Variants in MYO3A observed in about 807,000 individuals in gnomAD.
The protein encoded by MYO3A is myosin-IIIa.
In MYO3A, 180 loss-of-function variants were observed where a neutral mutation model predicts 192.7. That is an observed-to-expected ratio of 0.93 (90% CI 0.83 to 1.06). The LOEUF is 1.06. Among genes scored for constraint, MYO3A ranks in the 50% least tolerant of loss-of-function variants. The pLI is 0.00. For missense variants in MYO3A, 1,896 were observed against 1,905.0 expected (o/e 1.00, Z 0.09); for synonymous variants, 628 against 645.3 (o/e 0.97, Z 0.41).
intron 28 of MYO3A, 29 bp downstream of exon 28, chr10:26,168,903 T>C (rs1589070203): frequency 6.3e-7 from 1 of 1,586,514 alleles, no homozygotes; most frequent in East Asian, 2.2e-5. Flanking sequence ...TTAGATATGG[T>C]CATAAAATCA....
intron 17 of MYO3A, among the ~76,000 whole-genome samples, chr10:26,112,180 A>G (rs1413460611): frequency 6.6e-6 from 1 of 152,266 alleles, no homozygotes; most frequent in East Asian, 1.9e-4. Context: ...AAATTTAAAC[A>G]TATTCAATGC....
At chr10:26,139,772 A>G (rs1343113230) in intron 20 of MYO3A, among the ~76,000 whole-genome samples, 1 of 152,106 alleles carries the variant, frequency 6.6e-6, no homozygotes, top group Non-Finnish European at 1.5e-5. Context: ...CACGCCTGTA[A>G]TCCCAGCTAC....
At chr10:25,991,032 A>G (rs1046915699) in intron 4 of MYO3A, among the ~76,000 whole-genome samples, 1 of 152,196 alleles carries the variant, frequency 6.6e-6, no homozygotes, top group African/African-American at 2.4e-5. Context: ...ATACCCAGTA[A>G]TGGGATGGCT....
intron 10 of MYO3A, among the ~76,000 whole-genome samples, chr10:26,051,054 C>T (rs950616250): frequency 1.3e-5 from 2 of 152,184 alleles, no homozygotes; most frequent in Non-Finnish European, 2.9e-5. Flanking sequence ...AAATAGTGCA[C>T]AGCTGTAGTC....
At chr10:26,171,467 C>T (rs1842041723) in intron 29 of MYO3A, among the ~76,000 whole-genome samples, 1 of 152,242 alleles carries the variant, frequency 6.6e-6, no homozygotes, top group African/African-American at 2.4e-5. Flanking sequence ...TCATAGATGA[C>T]TTCTCTGCCA....
chr10:26,075,960 G>C (rs909060976), intron 14 of MYO3A, among the ~76,000 whole-genome samples: 1 of 151,668 alleles, frequency 6.6e-6, no homozygotes, highest in Non-Finnish European at 1.5e-5. Context: ...ATAAACAGGC[G>C]TGTGCAAGTA....
At chr10:26,173,589 A>C in intron 29 of MYO3A, 74 bp from the exon 30 acceptor site, 1 of 1,378,806 alleles carries the variant, frequency 7.3e-7, no homozygotes, top group Non-Finnish European at 1.0e-6. Flanking sequence ...GGTATCTAGC[A>C]TATAACTATT....
At position 26,193,306 on chromosome 10, in the gene MYO3A, C is replaced by G; in HGVS notation, c.4540C>G (p.Leu1514Val). 1 of 1,609,732 alleles carries G rather than the reference C, an allele frequency of 6.2e-7. No homozygotes were observed. The highest frequency in any genetic ancestry group is 8.5e-7 in the Non-Finnish European group (1 of 1,176,258). ...TGAAGACTCCACATACTATTATCTA[C>G]TTCATGTAAGTGGCTCACTCTTACT... ...NPEDSTYYYL[L>V]HKSIQEEKRR... Residue 1514 changes from leucine to valine, a missense_variant, in exon 32 of 35, where the codon CTT becomes GTT. Leu to Val is a conservative substitution (Grantham distance 32). Transcript: ENST00000642920.
chr10:26,184,254 A>T (rs761274990), intron 31 of MYO3A, among the ~76,000 whole-genome samples: 14 of 152,220 alleles, frequency 9.2e-5, no homozygotes, highest in Non-Finnish European at 1.8e-4. Context: ...AGCTTCCAGA[A>T]GGCAGGTTGC....
At position 26,084,246 on chromosome 10, in the gene MYO3A, T is replaced by G. The variant is rs141578588; in HGVS notation, c.1360-3957T>G. ...CTGTTAATATGTTGAATCATATTGT[T>G]TGATTTGCATATGTTAAGCTAGACT... On this transcript the variant is annotated intron_variant, in intron 14 of 34. Transcript: ENST00000642920. 2.7e-3 allele frequency among the ~76,000 whole-genome samples: 409 copies of G among 152,360 alleles called. 2 individuals carry two copies. Among genetic ancestry groups the G allele is most frequent in the African/African-American group, 9.3e-3 (385 of 41,590 alleles).
At chr10:26,086,774 G>A (rs1365061453) in intron 14 of MYO3A, among the ~76,000 whole-genome samples, 2 of 152,146 alleles carry the variant, frequency 1.3e-5, no homozygotes, top group African/African-American at 2.4e-5. Flanking sequence ...CACGGGGGCA[G>A]TGAGGCACAG....
At chr10:25,980,457 A>T (rs995907210) in intron 4 of MYO3A, among the ~76,000 whole-genome samples, 1 of 152,200 alleles carries the variant, frequency 6.6e-6, no homozygotes, top group Admixed American at 6.5e-5. Flanking sequence ...ATTTTAAAGG[A>T]ATAAATTATG....
chr10:26,001,235 A>C (rs182040639), intron 6 of MYO3A, among the ~76,000 whole-genome samples: 75 of 152,302 alleles, frequency 4.9e-4, no homozygotes, highest in African/African-American at 1.7e-3. Flanking sequence ...GAGCCACATC[A>C]TTGCTAACCT....
intron 20 of MYO3A, among the ~76,000 whole-genome samples, chr10:26,142,688 A>G (rs1027622122): frequency 6.6e-6 from 1 of 152,154 alleles, no homozygotes; most frequent in East Asian, 1.9e-4. Context: ...AGATGAACCT[A>G]TGTGTCCTTG....
intron 10 of MYO3A, among the ~76,000 whole-genome samples, chr10:26,058,634 G>A (rs1834271400): frequency 6.6e-6 from 1 of 152,192 alleles, no homozygotes; most frequent in South Asian, 2.1e-4. Flanking sequence ...TCTTGAAATT[G>A]CACAGTGTCA....
chr10:26,024,101 GTCTT>G lies in MYO3A; in HGVS notation c.797+16_797+19del. ...CTTCATAAGCAAGTGAGTAAAAACA[GTCTT>G]TTAAAAAACCAAAGATATTCCCTCC... On this transcript the variant is annotated intron_variant, in intron 9 of 34. Transcript: ENST00000642920. The G allele has an allele frequency of 6.2e-7, 1 of 1,607,734 alleles. No homozygotes were observed. Among genetic ancestry groups the G allele is most frequent in the South Asian group, 1.1e-5 (1 of 90,920 alleles).
In MYO3A at chr10:26,102,598, A is replaced by G. The variant is rs146364878; in HGVS notation, c.1776+5916A>G. Among the ~76,000 whole-genome samples the G allele has an allele frequency of 2.3e-4, 35 of 152,030 alleles. No individual in the cohort carries two copies. In the East Asian group the frequency reaches 6.6e-3, roughly 29 times the overall value. ...GGCTTTTGGTGTGTATGTCCTTTCTATTTGTTGGCTTTCCTTCTAACAGTC... is the reference window on the plus strand; with the variant it reads ...GGCTTTTGGTGTGTATGTCCTTTCTGTTTGTTGGCTTTCCTTCTAACAGTC... On this transcript the variant is annotated intron_variant, in intron 17 of 34. Transcript: ENST00000642920.
chr10:26,021,416 A>C lies in MYO3A; in HGVS notation c.586-87A>C, dbSNP rs572426011. ...TATAGCTATCAAACTTCACCAGTTT[A>C]AATACTTAATGCTTTGTTCTAAGTA... is the stretch of plus-strand genomic sequence containing the variant. On this transcript the variant is annotated intron_variant, in intron 7 of 34. Transcript: ENST00000642920. 19 of 1,496,450 alleles carry C rather than the reference A, an allele frequency of 1.3e-5. No homozygotes were observed. The African/African-American group carries it at 1.9e-4, about 15-fold the overall frequency. The allele number at this position is 1,496,450 out of a possible 1,614,324, so 92.7% of individuals were successfully genotyped here. A position where few individuals can be genotyped will look rare whatever the true frequency, so the allele number is the denominator to read the frequency against.
At chr10:26,188,891 C>A (rs1428349157) in intron 31 of MYO3A, among the ~76,000 whole-genome samples, 1 of 152,168 alleles carries the variant, frequency 6.6e-6, no homozygotes, top group Non-Finnish European at 1.5e-5. Context: ...GTTACTGCAG[C>A]CTTGTAGTAT....
Sources: gnomAD v4.1 joint callset for allele counts (sites outside exome capture counted in the v4.1 genomes callset) on GRCh38, gnomAD v4.1.1 for gene constraint, MANE v1.5 for transcripts, NCBI Gene and HGNC (gene_info 2026-07-23, HGNC 2026-07-21) for gene names.